The following LRRC37A2 variants were observed in gnomAD, a reference collection of about 807,000 sequenced individuals.
LRRC37A2 encodes leucine-rich repeat-containing protein 37A2.
Under a neutral mutation model 68.8 loss-of-function variants are expected in LRRC37A2, and 9 were observed. The observed-to-expected ratio is 0.13, with a 90% CI of 0.08 to 0.23. The LOEUF (loss-of-function observed/expected upper bound fraction) is 0.23. Among genes scored for constraint, LRRC37A2 ranks in the 10% least tolerant of loss-of-function variants. LRRC37A2 has a pLI of 1.00. For missense variants in LRRC37A2, 168 were observed against 950.4 expected (o/e 0.18, Z 10.82); for synonymous variants, 63 against 367.6 (o/e 0.17, Z 9.48).
chr17:46,770,565 T>C, the LRRC37A2 span, among the ~76,000 whole-genome samples: 1 of 152,014 alleles, frequency 6.6e-6, no homozygotes, highest in African/African-American at 2.4e-5. Context: ...CCCCTCTCCT[T>C]TTCTCGGTCT....
chr17:46,922,161 T>C, the LRRC37A2 span, among the ~76,000 whole-genome samples: 1 of 152,130 alleles, frequency 6.6e-6, no homozygotes, highest in African/African-American at 2.4e-5. Flanking sequence ...CCATAAAAAA[T>C]GATGAGTTCA....
the LRRC37A2 span, chr17:47,018,243 A>G: frequency 2.1e-5 from 34 of 1,611,414 alleles, no homozygotes; most frequent in African/African-American, 4.3e-4. Flanking sequence ...AGTTCCTCCT[A>G]TGGAGCATGA....
chr17:47,015,455 G>A, the LRRC37A2 span, among the ~76,000 whole-genome samples: 2 of 152,046 alleles, frequency 1.3e-5, no homozygotes, highest in Admixed American at 1.3e-4. Flanking sequence ...AAGCCATACC[G>A]TGTACCCTAG....
At chr17:46,649,465 G>T in the LRRC37A2 span, among the ~76,000 whole-genome samples, 40 of 152,176 alleles carry the variant, frequency 2.6e-4, no homozygotes, top group African/African-American at 9.7e-4. Context: ...GGAACTGGGC[G>T]TGAATTTGTT....
chr17:46,773,943 C>T, the LRRC37A2 span: 32 of 1,603,738 alleles, frequency 2.0e-5, no homozygotes, highest in South Asian at 3.3e-5. Flanking sequence ...ACACTGTGGG[C>T]ACAAAGCACA....
chr17:46,789,900 A>G, the LRRC37A2 span, among the ~76,000 whole-genome samples: 1,763 of 152,130 alleles, frequency 0.012, 31 homozygotes, highest in African/African-American at 0.039. Flanking sequence ...TCCACTCTCT[A>G]CCTTTCAAGG....
At chr17:47,025,592 C>T in the LRRC37A2 span, among the ~76,000 whole-genome samples, 2 of 151,442 alleles carry the variant, frequency 1.3e-5, no homozygotes, top group East Asian at 3.9e-4. Flanking sequence ...TACAAAATAA[C>T]GATCGCCCCA....
the LRRC37A2 span, among the ~76,000 whole-genome samples, chr17:46,850,370 A>AGCTCAAAGAG: frequency 2.0e-5 from 3 of 152,128 alleles, no homozygotes; most frequent in African/African-American, 7.2e-5. Context: ...AGAGAAACTG[A>AGCTCAAAGAG]GCTCAAAGAG....
At chr17:46,767,434 G>C in the LRRC37A2 span, among the ~76,000 whole-genome samples, 1 of 152,194 alleles carries the variant, frequency 6.6e-6, no homozygotes, top group African/African-American at 2.4e-5. Context: ...GCTTGTGCAG[G>C]AACTTGCCCT....
the LRRC37A2 span, among the ~76,000 whole-genome samples, chr17:46,601,874 C>A: frequency 2.7e-5 from 4 of 146,654 alleles, no homozygotes; most frequent in East Asian, 5.9e-4. Context: ...AATCCCCACT[C>A]CTTTAAAAAA....
the LRRC37A2 span, among the ~76,000 whole-genome samples, chr17:47,043,030 G>C: frequency 6.7e-6 from 1 of 150,350 alleles, no homozygotes; most frequent in African/African-American, 2.4e-5. Context: ...ACCACATAAG[G>C]TATTTGCTGA....
chr17:46,525,710 A>G (rs2052652651), intron 6 of LRRC37A2, among the ~76,000 whole-genome samples: 1 of 114,834 alleles, frequency 8.7e-6, no homozygotes. Context: ...CAGTTGATAA[A>G]AATTAATGAA....
chr17:46,816,106 C>T, the LRRC37A2 span, among the ~76,000 whole-genome samples: 47 of 151,072 alleles, frequency 3.1e-4, no homozygotes, highest in South Asian at 1.2e-3. Flanking sequence ...GGCATGCGCG[C>T]GCACGTACAC....
chr17:46,903,390 C>G, the LRRC37A2 span, among the ~76,000 whole-genome samples: 2 of 152,046 alleles, frequency 1.3e-5, no homozygotes, highest in Non-Finnish European at 2.9e-5. Flanking sequence ...ATGAGCTGAA[C>G]TGGCAGGCAC....
At chr17:46,966,276 A>G in the LRRC37A2 span, among the ~76,000 whole-genome samples, 23 of 152,324 alleles carry the variant, frequency 1.5e-4, no homozygotes, top group Non-Finnish European at 1.3e-4. Flanking sequence ...TGTACTAGCT[A>G]TGTACCTTCT....
the LRRC37A2 span, among the ~76,000 whole-genome samples, chr17:46,826,666 CA>C: frequency 6.6e-6 from 1 of 151,932 alleles, no homozygotes; most frequent in African/African-American, 2.4e-5. Context: ...ACACTTGTCT[CA>C]AAAAGACAAT....
the LRRC37A2 span, among the ~76,000 whole-genome samples, chr17:46,802,658 C>T: frequency 2.0e-5 from 3 of 152,072 alleles, no homozygotes; most frequent in Non-Finnish European, 4.4e-5. Context: ...TCACTAGTGG[C>T]CAATGGTTTA....
At chr17:46,820,327 G>A in the LRRC37A2 span, among the ~76,000 whole-genome samples, 2 of 152,198 alleles carry the variant, frequency 1.3e-5, no homozygotes, top group Non-Finnish European at 2.9e-5. Context: ...GGGGGTGGGA[G>A]GGGAGGTTGA....
the LRRC37A2 span, among the ~76,000 whole-genome samples, chr17:46,846,404 G>A: frequency 6.6e-6 from 1 of 152,336 alleles, no homozygotes; most frequent in African/African-American, 2.4e-5. Flanking sequence ...AAAGAAACAG[G>A]GGACAGGGTC....
Sources: allele counts gnomAD v4.1 joint callset (sites outside exome capture counted in the v4.1 genomes callset), GRCh38; gene constraint gnomAD v4.1.1; transcripts MANE v1.5; gene names NCBI Gene and HGNC (gene_info 2026-07-23, HGNC 2026-07-21).